KLHL33: variants seen among roughly 807,000 people sequenced by gnomAD.
KLHL33 encodes the protein kelch-like protein 33.
KLHL33 carries 46 observed loss-of-function variants against 60.8 expected under a neutral mutation model. That is an observed-to-expected ratio of 0.76 (90% CI 0.60 to 0.97). The LOEUF (loss-of-function observed/expected upper bound fraction) is 0.97. Among genes scored for constraint, KLHL33 ranks in the 50% least tolerant of loss-of-function variants. The pLI is 0.00. For synonymous variants in KLHL33, 434 were observed against 432.2 expected (o/e 1.00, Z -0.05); for missense variants, 1,055 against 1,000.0 (o/e 1.05, Z -0.74).
chr14:20,428,690 T>G lies in KLHL33; in HGVS notation c.*159A>C. On this transcript the variant is annotated 3_prime_UTR_variant, in exon 5 of 5. Coordinates refer to ENST00000636854, the MANE Select transcript of KLHL33 (RefSeq NM_001365790.2). ...TCCCTAGGAGTTCTGGAACCACCAT[T>G]TCCTCAACGGAGATCATACGTACAA... The G allele has an allele frequency of 1.5e-6, 1 of 684,998 alleles. No individual in the cohort carries two copies. Among genetic ancestry groups the G allele is most frequent in the South Asian group, 2.1e-5 (1 of 46,860 alleles). 42.4% of individuals were successfully genotyped at this position (684,998 alleles called of 1,614,324 possible).
rs1240521563 is a variant in KLHL33 at position 20,429,953 on chromosome 14, G to A, written c.1515C>T (p.Gly505=). 6 of 1,551,580 alleles carry A rather than the reference G, an allele frequency of 3.9e-6. No individual in the cohort carries two copies. The highest frequency in any genetic ancestry group is 2.4e-5 in the East Asian group (1 of 40,920). Residue 505 remains glycine (G), a synonymous_variant, in exon 3 of 5, where the codon GGC becomes GGT. Transcript: ENST00000636854. ...AVWWARAFRC[G]VGLVRTVEWG... is the part of the protein sequence containing the mutation. ...ACTCAACAGTTCGTACCAGTCCCAC[G>A]CCACAGCGGAAGGCCCGGGCCCACC...
At position 20,430,631 on chromosome 14, in the gene KLHL33, A is replaced by G; in HGVS notation, c.837T>C (p.Ser279=). The change falls in exon 3 of 5, where the codon TCT becomes TCC. Residue 279 remains serine, a synonymous_variant. Transcript: ENST00000636854. ...GGTCCTGGGTGGAGATCGTCCGCAG[A>G]GATACCTCTGTGCCCTGGGATTCCC... ...GMRESQGTEV[S]LRTISTQDLR... 6.5e-7 allele frequency: 1 copy of G among 1,535,908 alleles called. No homozygotes were observed. The highest frequency in any genetic ancestry group is 8.7e-7 in the Non-Finnish European group (1 of 1,146,914).
intron 2 of KLHL33, among the ~76,000 whole-genome samples, chr14:20,430,988 G>A (rs1880495312): frequency 6.6e-6 from 1 of 152,194 alleles, no homozygotes; most frequent in South Asian, 2.1e-4. Context: ...GTAACCCTAT[G>A]TGATTCTCAT....
At chr14:20,432,926 A>AAAGAAAGAAAGAAAG (rs1555330501) in intron 2 of KLHL33, among the ~76,000 whole-genome samples, 45 of 104,746 alleles carry the variant, frequency 4.3e-4, no homozygotes, top group South Asian at 7.2e-4. Context: ...CATCTCAAAA[A>AAAGAAAGAAAGAAAG]AAAGAAAGAA....
At position 20,430,639 on chromosome 14, in the gene KLHL33, C is replaced by G. The variant is rs1310208758; in HGVS notation, c.829G>C (p.Glu277Gln). 2 of 1,535,744 alleles carry G rather than the reference C, an allele frequency of 1.3e-6. No individual in the cohort carries two copies. Among genetic ancestry groups the G allele is most frequent in the African/African-American group, 1.4e-5 (1 of 73,134 alleles). ...LSGMRESQGT[E>Q]VSLRTISTQD... ...GTGGAGATCGTCCGCAGAGATACCT[C>G]TGTGCCCTGGGATTCCCTCATCCCG... is the stretch of plus-strand genomic sequence containing the variant. Residue 277 changes from glutamate (E) to glutamine (Q), a missense_variant, in exon 3 of 5, where the codon GAG becomes CAG. Transcript: ENST00000636854.
rs1361449432 is a variant in KLHL33, at chr14:20,429,884, A to C, written c.1584T>G (p.His528Gln). The C allele has an allele frequency of 6.4e-7, 1 of 1,551,920 alleles. No individual in the cohort carries two copies. Among genetic ancestry groups the C allele is most frequent in the East Asian group, 2.4e-5 (1 of 40,938 alleles). ...CACTTCCTGCCAGGCTTGCAGCCCCATGCCGGAAGCGTCCGGGGGCAGGCA... is the reference window on the plus strand; with the variant it reads ...CACTTCCTGCCAGGCTTGCAGCCCCCTGCCGGAAGCGTCCGGGGGCAGGCA... ...PALPAPGRFR[H>Q]GAASLAGSEL... Residue 528 changes from histidine to glutamine, a missense_variant, in exon 3 of 5, where the codon CAT (histidine) becomes CAG (glutamine). Physicochemically the swap from His to Gln is conservative, Grantham distance 24 (BLOSUM62 0). Coordinates refer to ENST00000636854, the MANE Select transcript of KLHL33 (RefSeq NM_001365790.2).
Position 20,429,066 on chromosome 14 carries a change from A to C in KLHL33, c.2177T>G (p.Val726Gly). 3 of 1,551,764 alleles carry C rather than the reference A, an allele frequency of 1.9e-6. No homozygotes were observed. The highest frequency in any genetic ancestry group is 2.6e-6 in the Non-Finnish European group (3 of 1,146,982). Reference sequence around the variant, plus strand: ...GAGCACCAGTAGCTCCCCCTGCAGCACAGCACTTGCAGCCCCCACATGGGG... The same window carrying C: ...GAGCACCAGTAGCTCCCCCTGCAGCCCAGCACTTGCAGCCCCCACATGGGG... ...PSPHVGAASA[V>G]LQGELLVLGG... The change falls in exon 5 of 5, where the codon GTG (valine) becomes GGG (glycine). Residue 726 changes from valine to glycine, a missense_variant. By Grantham distance (109) the Val-to-Gly change is moderately radical. Transcript: ENST00000636854.
chr14:20,429,416 G>A lies in KLHL33; in HGVS notation c.1842-15C>T, dbSNP rs1389304600. On this transcript the variant is annotated splice_polypyrimidine_tract_variant and intron_variant, in intron 4 of 4. Coordinates refer to ENST00000636854, the MANE Select transcript of KLHL33 (RefSeq NM_001365790.2). ...CAGGTGCTGGCCTAAGGGAGAACAG[G>A]ACACAAGATAAGGCAACTAGCATCT... 6.4e-7 allele frequency: 1 copy of A among 1,550,666 alleles called. No individual in the cohort carries two copies. Among genetic ancestry groups the A allele is most frequent in the East Asian group, 2.4e-5 (1 of 40,908 alleles).
chr14:20,429,539 A>G lies in KLHL33; in HGVS notation c.1804T>C (p.Ser602Pro). The change falls in exon 4 of 5, where the codon TCT (serine) becomes CCT (proline). Residue 602 changes from serine (S) to proline (P), a missense_variant. Transcript: ENST00000636854. ...GGRHNDVALD[S>P]VETYNPELNV... Reference sequence around the variant, plus strand: ...AGCTCAGGGTTGTAGGTCTCCACAGAGTCCAGGGCAACATCATTGTGTCTT... The same window carrying G: ...AGCTCAGGGTTGTAGGTCTCCACAGGGTCCAGGGCAACATCATTGTGTCTT... The G allele has an allele frequency of 6.4e-7, 1 of 1,552,188 alleles. No homozygotes were observed. Among genetic ancestry groups the G allele is most frequent in the East Asian group, 2.4e-5 (1 of 40,874 alleles).
rs1038121405 is a variant in KLHL33, at chr14:20,430,430, C to A, written c.1038G>T (p.Ala346=). 6.4e-7 allele frequency: 1 copy of A among 1,551,612 alleles called. No individual in the cohort carries two copies. Among genetic ancestry groups the A allele is most frequent in the Non-Finnish European group, 8.7e-7 (1 of 1,147,024 alleles). The change falls in exon 3 of 5, where the codon GCG becomes GCT. Residue 346 remains alanine (A), a synonymous_variant. Transcript: ENST00000636854. ...AGAGCCTCTCCAACCCAGGGGCTTC[C>A]GCCATGGGGAACAGGGCCAGGCAAC... The part of the protein sequence containing the change: ...PARCLALFPM[A]EAPGLERLWS...
In KLHL33 at chr14:20,426,411, C is replaced by A. The variant is rs7149493; in HGVS notation, c.*2438G>T. 0.56 allele frequency: 84,839 copies of A among 150,338 alleles called. 23,887 individuals are homozygous for A. The highest frequency in any genetic ancestry group is 0.67 in the South Asian group (3,189 of 4,762). 9.3% of individuals were successfully genotyped at this position (150,338 alleles called of 1,614,324 possible). A position where few individuals can be genotyped will look rare whatever the true frequency, so the allele number is the denominator to read the frequency against. The stretch of plus-strand genomic sequence containing the variant: ...CAGGGAGGCTGAGGCAGGAGAATCA[C>A]TTGAACTCAGGAGGAAGAGTTTGCG... On this transcript the variant is annotated 3_prime_UTR_variant, in exon 5 of 5. Transcript: ENST00000636854.
chr14:20,434,944 A>G, intron 2 of KLHL33, 120 bp downstream of exon 2: 1 of 925,176 alleles, frequency 1.1e-6, no homozygotes, highest in African/African-American at 1.7e-5. Context: ...CACCCCAGGG[A>G]AATTCTGACA....
chr14:20,428,534 C>G lies in KLHL33; in HGVS notation c.*315G>C. 2 of 313,718 alleles carry G rather than the reference C, an allele frequency of 6.4e-6. No homozygotes were observed. Among genetic ancestry groups the G allele is most frequent in the South Asian group, 1.1e-4 (2 of 18,820 alleles). 19.4% of individuals were successfully genotyped at this position (313,718 alleles called of 1,614,324 possible). On this transcript the variant is annotated 3_prime_UTR_variant, in exon 5 of 5. Transcript: ENST00000636854. ...TCCTCCCATGGTCTCTACACTTTGG[C>G]TACTGAAGCTTCTTAACTCTCTTTC...
chr14:20,435,036 A>T (rs1880640055), intron 2 of KLHL33, 28 bp downstream of exon 2: 2 of 1,233,670 alleles, frequency 1.6e-6, no homozygotes, highest in Non-Finnish European at 2.0e-6. Flanking sequence ...ATGCACCTGC[A>T]GTAATTTAAT....
In KLHL33 at chr14:20,430,112, C is replaced by G. The variant is rs918409262; in HGVS notation, c.1356G>C (p.Leu452=). The G allele has an allele frequency of 4.7e-5, 73 of 1,551,710 alleles. No individual in the cohort carries two copies. In the Admixed American group the frequency reaches 5.9e-4, roughly 13 times the overall value. Residue 452 remains leucine, a synonymous_variant, in exon 3 of 5, where the codon CTG becomes CTC. Transcript: ENST00000636854. ...CAGCCTCTACCATCAGCTGGTGCAACAGATCTGGGGTCAGGGGTGGAAGTA... is the reference window on the plus strand; with the variant it reads ...CAGCCTCTACCATCAGCTGGTGCAAGAGATCTGGGGTCAGGGGTGGAAGTA... ...AGLLPPLTPD[L]LHQLMVEADV... is the part of the protein sequence containing the mutation.
Position 20,435,230 on chromosome 14 carries a change from C to T in KLHL33, c.582G>A (p.Lys194=). The T allele has an allele frequency of 8.1e-7, 1 of 1,234,458 alleles. No individual in the cohort carries two copies. The highest frequency in any genetic ancestry group is 2.1e-4 in the Middle Eastern group (1 of 4,838). The allele number at this position is 1,234,458 out of a possible 1,614,324, so 76.5% of individuals were successfully genotyped here. Residue 194 remains lysine (K), a synonymous_variant, in exon 2 of 5, where the codon AAG becomes AAA. Transcript: ENST00000636854. The stretch of plus-strand genomic sequence containing the variant: ...TCTCGCATGTCTGCTGGGCAGCAGC[C>T]TTCACCCGGGGCGCTCCCAGCGCCT... The part of the protein sequence containing the change: ...AAEALGAPRV[K]AAAQQTCERA...
rs1412981607 is a variant in KLHL33, at chr14:20,435,492, C to G, written c.320G>C (p.Arg107Pro). Residue 107 changes from arginine (R) to proline (P), a missense_variant, in exon 2 of 5, where the codon CGG (arginine) becomes CCG (proline). By Grantham distance (103) the Arg-to-Pro change is moderately radical. Coordinates refer to ENST00000636854, the MANE Select transcript of KLHL33 (RefSeq NM_001365790.2). ...TTCGTCCAGCAACAGTCTCTGCTCC[C>G]GCAGCCGCTGGGCCTCGGCGAAAAA... ...SQFFAEAQRL[R>P]EQRLLLDEEV... The G allele has an allele frequency of 2.3e-5, 28 of 1,234,526 alleles. No individual in the cohort carries two copies. The highest frequency in any genetic ancestry group is 2.4e-5 in the Non-Finnish European group (24 of 988,338). 76.5% of individuals were successfully genotyped at this position (1,234,526 alleles called of 1,614,324 possible). A position where few individuals can be genotyped will look rare whatever the true frequency, so the allele number is the denominator to read the frequency against.
Position 20,428,896 on chromosome 14 carries a change from G to A in KLHL33, c.2347C>T (p.His783Tyr). 1.3e-6 allele frequency: 2 copies of A among 1,551,774 alleles called. No homozygotes were observed. The highest frequency in any genetic ancestry group is 1.7e-6 in the Non-Finnish European group (2 of 1,147,010). Residue 783 changes from histidine to tyrosine, a missense_variant, in exon 5 of 5, where the codon CAC becomes TAC. Coordinates refer to ENST00000636854, the MANE Select transcript of KLHL33 (RefSeq NM_001365790.2). The stretch of plus-strand genomic sequence containing the variant: ...TGTGGGGTGGGAACCAAAGCTATGT[G>A]CTGCACAGCGGGCAGTGTCAGGATG... ...ACILTLPAVQ[H>Y]IALVPTPHQT...
At position 20,430,323 on chromosome 14, in the gene KLHL33, C is replaced by T; in HGVS notation, c.1145G>A (p.Cys382Tyr). 6.4e-7 allele frequency: 1 copy of T among 1,551,894 alleles called. No homozygotes were observed. The highest frequency in any genetic ancestry group is 8.7e-7 in the Non-Finnish European group (1 of 1,147,032). ...CPAFPSLPAA[C>Y]LAELLDSDEL... ...ATCACTATCCAGGAGCTCAGCCAAG[C>T]AGGCAGCTGGTAAAGAAGGGAAAGC... is the stretch of plus-strand genomic sequence containing the variant. The change falls in exon 3 of 5, where the codon TGC becomes TAC. Residue 382 changes from cysteine (C) to tyrosine (Y), a missense_variant. Coordinates refer to ENST00000636854, the MANE Select transcript of KLHL33 (RefSeq NM_001365790.2).
Sources: gnomAD v4.1 joint callset for allele counts (sites outside exome capture counted in the v4.1 genomes callset) on GRCh38, gnomAD v4.1.1 for gene constraint, MANE v1.5 for transcripts, NCBI Gene and HGNC (gene_info 2026-07-23, HGNC 2026-07-21) for gene names.